CYP2J2: variants seen among roughly 807,000 people sequenced by gnomAD.
CYP2J2 encodes the protein cytochrome P450 family 2 subfamily J member 2, also known as cytochrome P450 2J2.
CYP2J2 carries 41 observed loss-of-function variants against 48.8 expected under a neutral mutation model. The ratio of observed to expected loss-of-function variants is 0.84; its 90% CI spans 0.66 to 1.09. CYP2J2 has a LOEUF of 1.09. CYP2J2 is among the 50% of genes least tolerant of loss of function. CYP2J2 has a pLI of 0.00. For synonymous variants in CYP2J2, 221 were observed against 227.1 expected, an observed-to-expected ratio of 0.97 and a Z score of 0.24; for missense variants, 644 against 617.3, an observed-to-expected ratio of 1.04 and a Z score of -0.46.
chr1:59,956,527 A>AT, the CYP2J2 span, among the ~76,000 whole-genome samples: 2 of 152,078 alleles, frequency 1.3e-5, no homozygotes, highest in African/African-American at 4.8e-5. Context: ...ATCCAAACTA[A>AT]TTTTAATAGA....
chr1:59,957,065 G>GC, the CYP2J2 span, among the ~76,000 whole-genome samples: 1 of 152,172 alleles, frequency 6.6e-6, no homozygotes, highest in Admixed American at 6.5e-5. Flanking sequence ...GCATGACAGA[G>GC]CCCCCCACTT....
chr1:59,939,901 T>G, the CYP2J2 span, among the ~76,000 whole-genome samples: 1 of 152,150 alleles, frequency 6.6e-6, no homozygotes, highest in Non-Finnish European at 1.5e-5. Flanking sequence ...CCACCAATGT[T>G]TCCTTATGGC....
At chr1:59,918,830 G>A (rs1644488542) in intron 1 of CYP2J2, among the ~76,000 whole-genome samples, 2 of 152,094 alleles carry the variant, frequency 1.3e-5, no homozygotes, top group African/African-American at 2.4e-5. Flanking sequence ...GACAGGAAAT[G>A]TAATGCTAGG....
At chr1:59,912,109 T>C in intron 3 of CYP2J2, 53 bp downstream of exon 3, 1 of 1,553,742 alleles carries the variant, frequency 6.4e-7, no homozygotes. Context: ...TAAGTATCTG[T>C]CCAATGAACA....
At chr1:59,900,654 G>C (rs1370536254) in intron 8 of CYP2J2, among the ~76,000 whole-genome samples, 8 of 152,120 alleles carry the variant, frequency 5.3e-5, no homozygotes. Flanking sequence ...AAAAAAAATG[G>C]AAGCACCTAA....
the CYP2J2 span, among the ~76,000 whole-genome samples, chr1:59,933,082 G>C: frequency 3.3e-3 from 509 of 152,238 alleles, 1 homozygote; most frequent in African/African-American, 0.012. Context: ...ATGTTACAAA[G>C]AATGCATGGA....
chr1:59,968,920 C>A, the CYP2J2 span, among the ~76,000 whole-genome samples: 11,316 of 152,166 alleles, frequency 0.074, 455 homozygotes, highest in African/African-American at 0.1. Flanking sequence ...TTCTGATGTT[C>A]GGATATGTTC....
chr1:59,928,234 T>G (rs1644585160), upstream of CYP2J2, among the ~76,000 whole-genome samples: 1 of 152,208 alleles, frequency 6.6e-6, no homozygotes, highest in Admixed American at 6.5e-5. Context: ...ATGACTTCCA[T>G]AATGGCAGCA....
chr1:59,893,984 A>G (rs1165906143), intron 8 of CYP2J2, among the ~76,000 whole-genome samples, 155 bp from the exon 9 acceptor site: 1 of 152,190 alleles, frequency 6.6e-6, no homozygotes, highest in Non-Finnish European at 1.5e-5. Flanking sequence ...AAGTCTGATA[A>G]CCACTTGGGT....
At chr1:59,903,543 G>T (rs1644338861) in intron 7 of CYP2J2, among the ~76,000 whole-genome samples, 1 of 152,162 alleles carries the variant, frequency 6.6e-6, no homozygotes, top group South Asian at 2.1e-4. Context: ...GTGGGGCAAG[G>T]GTTGAAAAAC....
In CYP2J2 at chr1:59,909,851, T is replaced by G. The variant is rs1485612247; in HGVS notation, c.794A>C (p.His265Pro). The change falls in exon 5 of 9, where the codon CAC (histidine) becomes CCC (proline). Residue 265 changes from histidine to proline, a missense_variant. By Grantham distance (77) the His-to-Pro change is moderately conservative (BLOSUM62 -2). Coordinates refer to ENST00000371204, the MANE Select transcript of CYP2J2 (RefSeq NM_000775.4). Reference sequence around the variant, plus strand: ...TTCTGCAGGATTCCAATCCTTTCTGTGTTTGTCAATCATATGAGAAACAAA... The same window carrying G: ...TTCTGCAGGATTCCAATCCTTTCTGGGTTTGTCAATCATATGAGAAACAAA... ...KLFVSHMIDK[H>P]RKDWNPAETR... 1.2e-6 allele frequency: 2 copies of G among 1,612,604 alleles called. No homozygotes were observed. Among genetic ancestry groups the G allele is most frequent in the Admixed American group, 3.3e-5 (2 of 59,800 alleles).
chr1:59,915,830 G>T, intron 2 of CYP2J2, 108 bp downstream of exon 2: 1 of 1,040,850 alleles, frequency 9.6e-7, no homozygotes, highest in Non-Finnish European at 1.4e-6. Flanking sequence ...AGTTTATTAT[G>T]GGGCTGGTTT....
At chr1:59,932,666 T>G in the CYP2J2 span, among the ~76,000 whole-genome samples, 11 of 151,740 alleles carry the variant, frequency 7.2e-5, no homozygotes, top group African/African-American at 2.7e-4. Flanking sequence ...AGAGAAGAGA[T>G]AAATGAAAGT....
Position 59,915,975 on chromosome 1 carries a change from G to A in CYP2J2, c.336C>T (p.Pro112=), listed in dbSNP as rs138732194. Residue 112 remains proline, a synonymous_variant, in exon 2 of 9, where the codon CCC becomes CCT. Coordinates refer to ENST00000371204, the MANE Select transcript of CYP2J2 (RefSeq NM_000775.4). The part of the protein sequence containing the change: ...IHMDQNFGNR[P]VTPMREHIFK... ...AGATATGTTCTCGCATAGGGGTCAC[G>A]GGGCGGTTCCCAAAGTTTTGGTCCA... is the stretch of plus-strand genomic sequence containing the variant. 4,256 of 1,613,866 alleles carry A rather than the reference G, an allele frequency of 2.6e-3. 22 individuals are homozygous for A. Among genetic ancestry groups the A allele is most frequent in the Middle Eastern group, 3.3e-3 (20 of 6,056 alleles).
At chr1:59,966,544 T>A in the CYP2J2 span, among the ~76,000 whole-genome samples, 2 of 152,178 alleles carry the variant, frequency 1.3e-5, no homozygotes, top group South Asian at 4.1e-4. Context: ...TTCTTTCCAC[T>A]TTATGACACT....
chr1:59,908,196 G>A (rs565239645), intron 5 of CYP2J2, among the ~76,000 whole-genome samples: 13 of 152,302 alleles, frequency 8.5e-5, no homozygotes, highest in Admixed American at 6.5e-4. Flanking sequence ...TTTTAGTACA[G>A]TGAAAGGAGA....
intron 8 of CYP2J2, among the ~76,000 whole-genome samples, chr1:59,898,621 A>G (rs557032813): frequency 6.6e-6 from 1 of 152,324 alleles, no homozygotes; most frequent in Admixed American, 6.5e-5. Flanking sequence ...AGGCCTTTAA[A>G]TGGGGAAGTA....
At chr1:59,917,833 G>A (rs777631997) in intron 1 of CYP2J2, among the ~76,000 whole-genome samples, 47 of 152,156 alleles carry the variant, frequency 3.1e-4, no homozygotes, top group Non-Finnish European at 5.4e-4. Context: ...GTAACAATCC[G>A]AAGGGCTTCA....
At chr1:59,894,330 C>A (rs1644250299) in intron 8 of CYP2J2, among the ~76,000 whole-genome samples, 1 of 152,214 alleles carries the variant, frequency 6.6e-6, no homozygotes, top group Non-Finnish European at 1.5e-5. Context: ...GGGGGACCTA[C>A]TGGCATGGGT....
Sources: gnomAD v4.1 joint callset for allele counts (sites outside exome capture counted in the v4.1 genomes callset) on GRCh38, gnomAD v4.1.1 for gene constraint, MANE v1.5 for transcripts, NCBI Gene and HGNC (gene_info 2026-07-23, HGNC 2026-07-21) for gene names.